COL6A3: variants seen among roughly 807,000 people sequenced by gnomAD.
The protein encoded by COL6A3 is collagen type VI alpha 3 chain, also known as collagen alpha-3(VI) chain.
COL6A3 carries 137 observed loss-of-function variants against 274.1 expected under a neutral mutation model. The observed-to-expected ratio is 0.50, with a 90% CI of 0.44 to 0.58. The LOEUF (loss-of-function observed/expected upper bound fraction) is 0.58, where lower values mean the gene tolerates loss of function less well. Ranked by LOEUF, COL6A3 falls within the 20% of genes least tolerant of loss-of-function variation. The probability of loss-of-function intolerance (pLI) is 0.00; values close to 1 mark genes in which losing one functional copy is unlikely to be tolerated. For missense variants in COL6A3, 3,950 were observed against 4,124.9 expected, an observed-to-expected ratio of 0.96 and a Z score of 1.16; for synonymous variants, 1,650 against 1,650.6, an observed-to-expected ratio of 1.00 and a Z score of 0.01.
In COL6A3 at chr2:237,377,236, T is replaced by G. The variant is rs752580082; in HGVS notation, c.2606A>C (p.Lys869Thr). Residue 869 changes from lysine to threonine, a missense_variant, in exon 7 of 44, where the codon AAG (lysine) becomes ACG (threonine). Coordinates refer to ENST00000295550, the MANE Select transcript of COL6A3 (RefSeq NM_004369.4). ...LYKIIDELNV[K>T]PEGTRIAVAQ... is the part of the protein sequence containing the mutation. ...CACCGCAATTCGGGTCCCCTCTGGC[T>G]TCACATTGAGCTCATCGATAATCTT... 6.2e-7 allele frequency: 1 copy of G among 1,612,686 alleles called. No individual in the cohort carries two copies. The highest frequency in any genetic ancestry group is 8.5e-7 in the Non-Finnish European group (1 of 1,180,024).
At chr2:237,390,546 G>A (rs12052967) in intron 3 of COL6A3, among the ~76,000 whole-genome samples, 31,497 of 151,910 alleles carry the variant, frequency 0.21, 3,397 homozygotes, top group Middle Eastern at 0.29. Context: ...CTTTAAAATT[G>A]TCTGGTTTTC....
chr2:237,372,526 G>A (rs2077720018), intron 8 of COL6A3, among the ~76,000 whole-genome samples, 189 bp from the exon 9 acceptor site: 1 of 152,196 alleles, frequency 6.6e-6, no homozygotes, highest in Admixed American at 6.5e-5. Flanking sequence ...GGGAGCAAAG[G>A]ATGAAAAACC....
Position 237,368,537 on chromosome 2 carries a change from G to C in COL6A3, c.4900+26C>G, listed in dbSNP as rs1454214596. On this transcript the variant is annotated intron_variant, in intron 10 of 43. Coordinates refer to ENST00000295550, the MANE Select transcript of COL6A3 (RefSeq NM_004369.4). The surrounding 1 kb of genome is among the most constrained non-coding windows in gnomAD (Gnocchi z 4.4). ...AAAAAAAATGTTGATGTCACACTCT[G>C]TAGTCATGGGTCACACGGTGCATAC... is the stretch of plus-strand genomic sequence containing the variant. The C allele has an allele frequency of 6.2e-7, 1 of 1,613,268 alleles. No homozygotes were observed. The highest frequency in any genetic ancestry group is 1.1e-5 in the South Asian group (1 of 91,024).
intron 23 of COL6A3, 74 bp downstream of exon 23, chr2:237,357,264 A>C: frequency 7.8e-7 from 1 of 1,284,790 alleles, no homozygotes; most frequent in Non-Finnish European, 1.1e-6. Flanking sequence ...CTAACCATGC[A>C]CCAGGTCATG....
rs116541926 is a variant in COL6A3 at position 237,351,148 on chromosome 2, G to A, written c.6798C>T (p.Thr2266=). 194 of 1,614,212 alleles carry A rather than the reference G, an allele frequency of 1.2e-4. No homozygotes were observed. Among genetic ancestry groups the A allele is most frequent in the African/African-American group, 2.7e-4 (20 of 75,056 alleles). ...AAGAPGERGR[T]GPLGRKGEPG... is the part of the protein sequence containing the mutation. ...GACAAACCTTTCTTCCCAGTGGACCGGTTCTGCCTCGTTCTCCAGGAGCAC... is the reference window on the plus strand; with the variant it reads ...GACAAACCTTTCTTCCCAGTGGACCAGTTCTGCCTCGTTCTCCAGGAGCAC... The change falls in exon 27 of 44, where the codon ACC becomes ACT. Residue 2266 remains threonine (T), a synonymous_variant. Coordinates refer to ENST00000295550, the MANE Select transcript of COL6A3 (RefSeq NM_004369.4).
In COL6A3 at chr2:237,376,810, T is replaced by A; in HGVS notation, c.3032A>T (p.Asn1011Ile). The A allele has an allele frequency of 6.2e-7, 1 of 1,614,218 alleles. No individual in the cohort carries two copies. The highest frequency in any genetic ancestry group is 1.1e-5 in the South Asian group (1 of 91,086). Residue 1011 changes from asparagine to isoleucine, a missense_variant, in exon 7 of 44, where the codon AAT becomes ATT. Around this residue, in one of 5 missense-constraint regions of COL6A3, gnomAD observed 1,934 missense variants for 1,984.3 expected, o/e 0.97. Coordinates refer to ENST00000295550, the MANE Select transcript of COL6A3 (RefSeq NM_004369.4). ...TCCGTTGTGCACTGATTTTAAGAGA[T>A]TCACTATCTGTGGATGAAGATCTCC... Reference protein sequence around the residue: ...KIGDLHPQIVNLLKSVHNGAP... With the variant: ...KIGDLHPQIVILLKSVHNGAP...
In COL6A3 at chr2:237,377,271, G is replaced by A. The variant is rs114094922; in HGVS notation, c.2571C>T (p.Asp857=). Residue 857 remains aspartate (D), a synonymous_variant, in exon 7 of 44, where the codon GAC becomes GAT. Transcript: ENST00000295550. ...GCTCATCGATAATCTTGTAGAGAAA[G>A]TCACGGACAACAGGGAACTGGCCCA... ...NLVGQFPVVR[D]FLYKIIDELN... is the part of the protein sequence containing the mutation. 1.2e-6 allele frequency: 2 copies of A among 1,607,290 alleles called. No homozygotes were observed. The highest frequency in any genetic ancestry group is 1.3e-5 in the African/African-American group (1 of 75,048).
At position 237,350,176 on chromosome 2, in the gene COL6A3, T is replaced by C. The variant is rs1386369164; in HGVS notation, c.6850A>G (p.Ile2284Val). ...EPGEPGPKGG[I>V]GNRGPRGETG... ...TCCCCACGAGGGCCCCGGTTCCCGA[T>C]TCCTCCTTTTGGTCCTGGCTCTCCG... Residue 2284 changes from isoleucine (I) to valine (V), a missense_variant, in exon 28 of 44, where the codon ATC becomes GTC. Transcript: ENST00000295550. The C allele has an allele frequency of 6.2e-7, 1 of 1,614,140 alleles. No individual in the cohort carries two copies. The highest frequency in any genetic ancestry group is 8.5e-7 in the Non-Finnish European group (1 of 1,179,996).
chr2:237,390,295 T>C (rs1340339808), intron 3 of COL6A3, among the ~76,000 whole-genome samples: 2 of 152,218 alleles, frequency 1.3e-5, no homozygotes, highest in Non-Finnish European at 2.9e-5. Context: ...AACATTCTCT[T>C]GTAAAAGACT....
rs1574930916 is a variant in COL6A3 at position 237,336,004 on chromosome 2, C to T, written c.8965+131G>A. On this transcript the variant is annotated intron_variant, in intron 40 of 43. Coordinates refer to ENST00000295550, the MANE Select transcript of COL6A3 (RefSeq NM_004369.4). ...TCCCTAACCAACACCTCTTAAAATA[C>T]ATCATCCAGGTGTACAAGCCCAGAT... The T allele has an allele frequency of 1.4e-5, 16 of 1,158,628 alleles. No individual in the cohort carries two copies. In the East Asian group the frequency reaches 3.2e-4, roughly 23 times the overall value. 71.8% of individuals were successfully genotyped at this position (1,158,628 alleles called of 1,614,324 possible).
At chr2:237,332,929 TG>T (rs1246246378) in intron 42 of COL6A3, 1 of 190,498 alleles carries the variant, frequency 5.2e-6, no homozygotes, top group African/African-American at 2.3e-5. Flanking sequence ...GCACACACTC[TG>T]GGGTTCAAGC....
In COL6A3 at chr2:237,350,610, T is replaced by C. The variant is rs76913692; in HGVS notation, c.6817-401A>G. On this transcript the variant is annotated intron_variant, in intron 27 of 43. Transcript: ENST00000295550. Reference sequence around the variant, plus strand: ...GGACTGGTTATGACAAATTGTAATTTATCTCAAAGCTGATAGAAAGGAGGT... The same window carrying C: ...GGACTGGTTATGACAAATTGTAATTCATCTCAAAGCTGATAGAAAGGAGGT... 8.9e-4 allele frequency among the ~76,000 whole-genome samples: 136 copies of C among 152,334 alleles called. 3 individuals are homozygous for C. In the East Asian group the frequency reaches 0.023, roughly 26 times the overall value.
At chr2:237,390,426 G>T (rs1004875318) in intron 3 of COL6A3, among the ~76,000 whole-genome samples, 1 of 152,222 alleles carries the variant, frequency 6.6e-6, no homozygotes, top group Non-Finnish European at 1.5e-5. Flanking sequence ...TTATTCAAGA[G>T]AGCTGAAGCC....
Position 237,345,231 on chromosome 2 carries a change from G to A in COL6A3, c.7093-18C>T, listed in dbSNP as rs149620525. ...TTGGGACCCTGTAAAACCAAGGAAC[G>A]AAAGGTGAGAGGCACAGCAGATGGG... On this transcript the variant is annotated intron_variant, in intron 32 of 43. Transcript: ENST00000295550. The A allele has an allele frequency of 3.2e-5, 52 of 1,613,674 alleles. No individual in the cohort carries two copies. Among genetic ancestry groups the A allele is most frequent in the Non-Finnish European group, 4.2e-5 (49 of 1,179,646 alleles).
intron 39 of COL6A3, among the ~76,000 whole-genome samples, chr2:237,337,220 A>G (rs1003370498): frequency 2.0e-5 from 3 of 152,200 alleles, no homozygotes; most frequent in African/African-American, 4.8e-5. Context: ...AAGTATTAAT[A>G]TATTTTCAAG....
At chr2:237,352,748 C>G (rs1202761875) in intron 25 of COL6A3, among the ~76,000 whole-genome samples, 164 bp from the exon 26 acceptor site, 11 of 152,216 alleles carry the variant, frequency 7.2e-5, no homozygotes, top group Non-Finnish European at 2.9e-5. Flanking sequence ...TAGCAGCTGC[C>G]TCAATCCAGA....
At position 237,336,549 on chromosome 2, in the gene COL6A3, A is replaced by T; in HGVS notation, c.8568-17T>A. On this transcript the variant is annotated splice_polypyrimidine_tract_variant and intron_variant, in intron 39 of 43. Coordinates refer to ENST00000295550, the MANE Select transcript of COL6A3 (RefSeq NM_004369.4). ...GGAACATTTCTGTTAAGACAAATTA[A>T]ATATTACCTCTACTTTTACCTGCTA... is the stretch of plus-strand genomic sequence containing the variant. 6.2e-7 allele frequency: 1 copy of T among 1,613,054 alleles called. No homozygotes were observed. Among genetic ancestry groups the T allele is most frequent in the Non-Finnish European group, 8.5e-7 (1 of 1,179,002 alleles).
rs904094645 is a variant in COL6A3, at chr2:237,345,326, T to A, written c.7093-113A>T. ...AGACAAAGGGGCCCCTGGATAACCT[T>A]GATTGTTTACAGCCTCTCCCTCTAA... On this transcript the variant is annotated intron_variant, in intron 32 of 43. Coordinates refer to ENST00000295550, the MANE Select transcript of COL6A3 (RefSeq NM_004369.4). The A allele has an allele frequency of 4.1e-6, 4 of 983,092 alleles. No homozygotes were observed. In the African/African-American group the frequency reaches 6.4e-5, roughly 16 times the overall value. 60.9% of individuals were successfully genotyped at this position (983,092 alleles called of 1,614,324 possible).
chr2:237,355,076 A>T, intron 23 of COL6A3, 142 bp from the exon 24 acceptor site: 1 of 743,370 alleles, frequency 1.3e-6, no homozygotes, highest in Non-Finnish European at 2.3e-6. Context: ...GCCAAGAACC[A>T]GAAACCACAC....
Sources: allele counts gnomAD v4.1 joint callset (sites outside exome capture counted in the v4.1 genomes callset), GRCh38; gene constraint gnomAD v4.1.1; regional missense constraint gnomAD v4.1.1; non-coding constraint Gnocchi (gnomAD v3.1); transcripts MANE v1.5; gene names NCBI Gene and HGNC (gene_info 2026-07-23, HGNC 2026-07-21).